GSE1: variants seen among roughly 807,000 people sequenced by gnomAD.
The protein encoded by GSE1 is genetic suppressor element 1.
A neutral mutation model predicts 112.6 loss-of-function variants in GSE1; 32 were observed. That is an observed-to-expected ratio of 0.28 (90% CI 0.21 to 0.38). GSE1 has a LOEUF of 0.38. Among genes scored for constraint, GSE1 ranks in the 10% least tolerant of loss-of-function variants. The pLI is 1.00. For synonymous variants in GSE1, 1,115 were observed against 735.6 expected (o/e 1.52, Z -8.35); for missense variants, 2,348 against 1,699.2 (o/e 1.38, Z -6.71).
chr16:85,429,231 G>A (rs893295502), intron 2 of GSE1, among the ~76,000 whole-genome samples: 13 of 152,196 alleles, frequency 8.5e-5, no homozygotes, highest in African/African-American at 2.2e-4. Flanking sequence ...TGTGTCCGGA[G>A]CACCCCCCAG....
chr16:85,656,683 G>T lies in GSE1; in HGVS notation c.1312+18G>T. 6.8e-7 allele frequency: 1 copy of T among 1,477,754 alleles called. No homozygotes were observed. The highest frequency in any genetic ancestry group is 9.0e-7 in the Non-Finnish European group (1 of 1,116,362). 91.5% of individuals were successfully genotyped at this position (1,477,754 alleles called of 1,614,324 possible). On this transcript the variant is annotated intron_variant, in intron 7 of 15. Coordinates refer to ENST00000253458, the MANE Select transcript of GSE1 (RefSeq NM_014615.5). ...CCGAGCAGGTACCTGGGCGTGGGTG[G>T]GCTGTGCTGGGCAAGGTCTCAGCCA... is the stretch of plus-strand genomic sequence containing the variant.
intron 2 of GSE1, among the ~76,000 whole-genome samples, chr16:85,363,545 C>G (rs928437204): frequency 6.6e-6 from 1 of 152,240 alleles, no homozygotes; most frequent in Non-Finnish European, 1.5e-5. Context: ...GGGTTTCTCT[C>G]TCTGTTCCCA....
intron 1 of GSE1, among the ~76,000 whole-genome samples, chr16:85,313,723 C>T (rs370379152): frequency 3.9e-5 from 6 of 152,328 alleles, no homozygotes; most frequent in African/African-American, 1.2e-4. Context: ...GAGAGCTGTC[C>T]GGGAGCCTCT....
chr16:85,232,597 C>G (rs1050322120), intron 1 of GSE1, among the ~76,000 whole-genome samples: 1 of 152,236 alleles, frequency 6.6e-6, no homozygotes, highest in African/African-American at 2.4e-5. Flanking sequence ...CCCAGCAGAC[C>G]CAGCTCCTGT....
At chr16:85,463,057 TC>T (rs2151827734) in intron 2 of GSE1, 1 of 976,754 alleles carries the variant, frequency 1.0e-6, no homozygotes, top group Admixed American at 6.2e-5. Flanking sequence ...AGGCCCCGGG[TC>T]CCGCGGCCCG....
chr16:85,580,805 C>T lies in GSE1; in HGVS notation c.37+24442C>T, dbSNP rs1036241186. 3.3e-5 allele frequency among the ~76,000 whole-genome samples: 5 copies of T among 152,256 alleles called. 1 individual carries two copies. The highest frequency in any genetic ancestry group is 6.5e-5 in the Admixed American group (1 of 15,292). On this transcript the variant is annotated intron_variant, in intron 1 of 2. Coordinates refer to the GSE1 transcript ENST00000635906. ...GAGACCCCAGAGAGTGCGCTGTCTC[C>T]GTCACGTGAGCTCTCGGCCAGAAGG...
At chr16:85,432,048 G>T (rs1409398406) in intron 2 of GSE1, among the ~76,000 whole-genome samples, 1 of 152,172 alleles carries the variant, frequency 6.6e-6, no homozygotes, top group Admixed American at 6.5e-5. Context: ...CCGTCTAGCT[G>T]CACGCCCCCG....
Position 85,661,429 on chromosome 16 carries a change from G to C in GSE1, c.1924G>C (p.Glu642Gln), listed in dbSNP as rs1408094470. ...AGCAGAGGAGGGGCCACGGAAGCGT[G>C]AGCCTGCCCCTCTGGACAAGTACCA... ...EKAEEGPRKR[E>Q]PAPLDKYQPP... The change falls in exon 9 of 16, where the codon GAG (glutamate) becomes CAG (glutamine). Residue 642 changes from glutamate to glutamine, a missense_variant. Coordinates refer to ENST00000253458, the MANE Select transcript of GSE1 (RefSeq NM_014615.5). The C allele has an allele frequency of 6.2e-7, 1 of 1,612,116 alleles. No homozygotes were observed. Among genetic ancestry groups the C allele is most frequent in the Non-Finnish European group, 8.5e-7 (1 of 1,179,628 alleles).
intron 1 of GSE1, among the ~76,000 whole-genome samples, chr16:85,600,932 G>A (rs1567633938): frequency 6.6e-6 from 1 of 152,158 alleles, no homozygotes; most frequent in Non-Finnish European, 1.5e-5. Context: ...GCTCAGCTCA[G>A]TGAGCGCCTG....
Position 85,672,722 on chromosome 16 carries a change from G to T in GSE1, c.*183G>T. On this transcript the variant is annotated 3_prime_UTR_variant, in exon 16 of 16. Transcript: ENST00000253458. ...AACTCACCTTGACGTCAATGCAATT[G>T]AATCACCGTTGTCATTCAGCGAGCA... is the stretch of plus-strand genomic sequence containing the variant. 2.3e-6 allele frequency: 1 copy of T among 427,138 alleles called. No homozygotes were observed. Among genetic ancestry groups the T allele is most frequent in the Non-Finnish European group, 4.1e-6 (1 of 243,154 alleles). The allele number at this position is 427,138 out of a possible 1,614,324, so 26.5% of individuals were successfully genotyped here.
At chr16:85,338,881 C>G (rs941234733) in intron 1 of GSE1, among the ~76,000 whole-genome samples, 5 of 152,190 alleles carry the variant, frequency 3.3e-5, no homozygotes, top group African/African-American at 4.8e-5. Flanking sequence ...GCGTTACTCT[C>G]GTGATACTGC....
At chr16:85,583,031 T>G (rs1158799457) in intron 1 of GSE1, among the ~76,000 whole-genome samples, 1 of 152,104 alleles carries the variant, frequency 6.6e-6, no homozygotes, top group African/African-American at 2.4e-5. Context: ...CCAGGGTGGC[T>G]TCCTGGAGCC....
intron 1 of GSE1, among the ~76,000 whole-genome samples, chr16:85,203,433 G>A (rs957402152): frequency 1.3e-5 from 2 of 152,180 alleles, no homozygotes; most frequent in Non-Finnish European, 2.9e-5. Context: ...AGGACAGCAC[G>A]TGGGACACGG....
At chr16:85,432,090 C>T (rs1315568200) in intron 2 of GSE1, among the ~76,000 whole-genome samples, 2 of 152,188 alleles carry the variant, frequency 1.3e-5, no homozygotes, top group East Asian at 3.9e-4. Flanking sequence ...CCCCCATAAA[C>T]GACCACTGGC....
chr16:85,650,086 C>T (rs2051207634), intron 3 of GSE1, among the ~76,000 whole-genome samples: 1 of 152,182 alleles, frequency 6.6e-6, no homozygotes, highest in African/African-American at 2.4e-5. Flanking sequence ...CTCCTCTGCC[C>T]CTGAAGCCTC....
intron 1 of GSE1, among the ~76,000 whole-genome samples, chr16:85,276,938 G>T (rs1011214093): frequency 6.6e-6 from 1 of 152,190 alleles, no homozygotes; most frequent in African/African-American, 2.4e-5. Context: ...AGCGTGGGTG[G>T]GCAGGAGGGG....
Position 85,238,305 on chromosome 16 carries a change from A to T in GSE1, c.2283+66498A>T, listed in dbSNP as rs781734149. On this transcript the variant is annotated intron_variant, in intron 1 of 2. Coordinates refer to the GSE1 transcript ENST00000637419. ...TCTGCTGCCTACCTCCTTCTCCCTC[A>T]GTGCCTGTTTGTTTTTCTTCCAGAA... Among the ~76,000 whole-genome samples, 145 of 152,254 alleles carry T rather than the reference A, an allele frequency of 9.5e-4. 1 individual carries two copies. Among genetic ancestry groups the T allele is most frequent in the Non-Finnish European group, 1.3e-3 (87 of 68,010 alleles).
upstream of GSE1, chr16:85,613,232 C>G: frequency 6.6e-7 from 1 of 1,509,754 alleles, no homozygotes; most frequent in Non-Finnish European, 8.8e-7. Context: ...GCGGCGACAG[C>G]AGCAGGTGTT....
At chr16:85,221,846 G>A (rs7191038) in intron 1 of GSE1, among the ~76,000 whole-genome samples, 31,977 of 152,116 alleles carry the variant, frequency 0.21, 3,484 homozygotes, top group South Asian at 0.33. Context: ...CAGAGCCCAC[G>A]TCAGTCCCGC....
Sources: gnomAD v4.1 joint callset for allele counts (sites outside exome capture counted in the v4.1 genomes callset) on GRCh38, gnomAD v4.1.1 for gene constraint, MANE v1.5 for transcripts, NCBI Gene and HGNC (gene_info 2026-07-23, HGNC 2026-07-21) for gene names.